CAMK2D: variants seen among roughly 807,000 people sequenced by gnomAD.
CAMK2D encodes calcium/calmodulin-dependent protein kinase type II subunit delta.
CAMK2D carries 37 observed loss-of-function variants against 84.0 expected under a neutral mutation model. The observed-to-expected ratio is 0.44, with a 90% CI of 0.34 to 0.58. The LOEUF is 0.58. Ranked by LOEUF, CAMK2D falls within the 20% of genes least tolerant of loss-of-function variation. CAMK2D has a pLI of 0.02. For synonymous variants in CAMK2D, 202 were observed against 212.5 expected, an observed-to-expected ratio of 0.95 and a Z score of 0.43; for missense variants, 448 against 652.5, an observed-to-expected ratio of 0.69 and a Z score of 3.41.
intron 16 of CAMK2D, among the ~76,000 whole-genome samples, chr4:113,474,177 G>C (rs1257858990): frequency 6.6e-6 from 1 of 152,180 alleles, no homozygotes; most frequent in East Asian, 1.9e-4. Flanking sequence ...CAAGTATTAA[G>C]ATGTTCCATG....
intron 16 of CAMK2D, among the ~76,000 whole-genome samples, chr4:113,491,258 A>T (rs1307572082): frequency 5.0e-5 from 6 of 121,154 alleles, no homozygotes; most frequent in Admixed American, 3.8e-4. Context: ...TTGCCCATTC[A>T]GTATGATATT....
At chr4:113,700,856 T>C (rs7670298) in intron 2 of CAMK2D, among the ~76,000 whole-genome samples, 27,525 of 152,164 alleles carry the variant, frequency 0.18, 4,681 homozygotes, top group African/African-American at 0.45. Context: ...TTGAAGGGTA[T>C]CCTTCCTACC....
chr4:113,630,224 G>T (rs2099084033), intron 3 of CAMK2D, among the ~76,000 whole-genome samples: 1 of 152,182 alleles, frequency 6.6e-6, no homozygotes, highest in Non-Finnish European at 1.5e-5. Flanking sequence ...TTTTAAAAAT[G>T]CCTTGAGAAA....
chr4:113,515,189 A>G lies in CAMK2D; in HGVS notation c.699T>C (p.Phe233=). ...TCACCGTGTCCCATTCTGGTGATGGAAACTTCAAAAATATAAATTTATAAA... is the reference window on the plus strand; with the variant it reads ...TCACCGTGTCCCATTCTGGTGATGGGAACTTCAAAAATATAAATTTATAAA... ...YQQIKAGAYD[F]PSPEWDTVTP... The change falls in exon 10 of 21, where the codon TTT becomes TTC. Residue 233 remains phenylalanine, a splice_region_variant and synonymous_variant. Coordinates refer to ENST00000511664, the MANE Select transcript of CAMK2D (RefSeq NM_001321571.2). The G allele has an allele frequency of 6.3e-7, 1 of 1,584,094 alleles. No homozygotes were observed. The highest frequency in any genetic ancestry group is 2.2e-5 in the East Asian group (1 of 44,504).
In CAMK2D at chr4:113,755,171, G is replaced by GAT. The variant is rs201559960; in HGVS notation, c.160+4147_160+4148dup. 3.1e-3 allele frequency: 562 copies of GAT among 179,988 alleles called. 17 individuals are homozygous for GAT. The highest frequency in any genetic ancestry group is 3.7e-3 in the Non-Finnish European group (469 of 126,330). 11.1% of individuals were successfully genotyped at this position (179,988 alleles called of 1,614,324 possible). ...ACAACATCAAAAAAGGTTACTTAGG[G>GAT]ATACACACACACACACACACACACA... On this transcript the variant is annotated intron_variant, in intron 2 of 20. Transcript: ENST00000511664.
chr4:113,754,445 G>T (rs1207718965), intron 2 of CAMK2D: 8 of 937,642 alleles, frequency 8.5e-6, no homozygotes, highest in African/African-American at 3.6e-5. Flanking sequence ...CCATTAAAAA[G>T]ATCCATAAAA....
intron 4 of CAMK2D, among the ~76,000 whole-genome samples, chr4:113,607,126 C>T (rs1442567938): frequency 6.6e-6 from 1 of 151,002 alleles, no homozygotes; most frequent in Non-Finnish European, 1.5e-5. Flanking sequence ...AAAAGAATGG[C>T]TAAAGAAAGC....
chr4:113,537,620 CAT>C (rs1422273464), intron 6 of CAMK2D, among the ~76,000 whole-genome samples, 177 bp from the exon 7 acceptor site: 1 of 152,116 alleles, frequency 6.6e-6, no homozygotes, highest in Non-Finnish European at 1.5e-5. Flanking sequence ...TAAATATTAT[CAT>C]GTGTGCAGGC....
chr4:113,540,518 T>C (rs2098523327), intron 6 of CAMK2D, among the ~76,000 whole-genome samples: 1 of 152,246 alleles, frequency 6.6e-6, no homozygotes, highest in Non-Finnish European at 1.5e-5. Flanking sequence ...CCTGGGTTCA[T>C]GTCCTGGCCC....
At chr4:113,605,767 G>A (rs2098974354) in intron 4 of CAMK2D, among the ~76,000 whole-genome samples, 1 of 152,146 alleles carries the variant, frequency 6.6e-6, no homozygotes, top group Non-Finnish European at 1.5e-5. Flanking sequence ...CATGTCGGTG[G>A]AGGCTGTGGG....
intron 8 of CAMK2D, among the ~76,000 whole-genome samples, chr4:113,523,096 C>A (rs2098382545): frequency 6.6e-6 from 1 of 152,170 alleles, no homozygotes; most frequent in South Asian, 2.1e-4. Context: ...GGGCCCTCAC[C>A]AAAACCTGAC....
intron 2 of CAMK2D, among the ~76,000 whole-genome samples, chr4:113,717,413 A>G (rs1428187637): frequency 2.0e-5 from 3 of 152,120 alleles, no homozygotes; most frequent in South Asian, 2.1e-4. Context: ...AACCTTTTGG[A>G]TAATCTCGTA....
chr4:113,566,303 T>A (rs1460436346), intron 4 of CAMK2D, among the ~76,000 whole-genome samples: 2 of 152,218 alleles, frequency 1.3e-5, no homozygotes, highest in African/African-American at 4.8e-5. Context: ...TAGAGTTCAG[T>A]CATTTTTAAA....
intron 2 of CAMK2D, chr4:113,755,225 T>C (rs1342024515): frequency 8.8e-6 from 2 of 227,092 alleles, no homozygotes; most frequent in Admixed American, 6.6e-5. Context: ...TTAGATTTTA[T>C]AGATGAGGCC....
chr4:113,571,644 C>T (rs376998901), intron 4 of CAMK2D, among the ~76,000 whole-genome samples: 4 of 152,198 alleles, frequency 2.6e-5, no homozygotes, highest in Admixed American at 6.5e-5. Flanking sequence ...GAGGCCGAGG[C>T]GGGTGGATCA....
At chr4:113,528,555 G>A (rs2098437220) in intron 8 of CAMK2D, among the ~76,000 whole-genome samples, 1 of 152,138 alleles carries the variant, frequency 6.6e-6, no homozygotes. Context: ...GGCAAAGAAA[G>A]AGTATGAAAT....
rs984235820 is a variant in CAMK2D, at chr4:113,563,906, A to G, written c.276-11810T>C. On this transcript the variant is annotated intron_variant, in intron 4 of 20. Transcript: ENST00000511664. ...AAATTTTAATGGTAGGAAGCTTCAG[A>G]AAAGGGGAAGAGGGAACTTAGTGAA... 1.3e-5 allele frequency among the ~76,000 whole-genome samples: 2 copies of G among 152,166 alleles called. 1 individual carries two copies. Among genetic ancestry groups the G allele is most frequent in the Admixed American group, 1.3e-4 (2 of 15,276 alleles).
chr4:113,632,288 A>C (rs1239461733), intron 3 of CAMK2D, among the ~76,000 whole-genome samples: 1 of 151,038 alleles, frequency 6.6e-6, no homozygotes, highest in East Asian at 2.0e-4. Flanking sequence ...CAATGGCACA[A>C]TCTTGGCTCA....
At chr4:113,586,812 A>G (rs1163663420) in intron 4 of CAMK2D, among the ~76,000 whole-genome samples, 1 of 152,192 alleles carries the variant, frequency 6.6e-6, no homozygotes, top group East Asian at 1.9e-4. Flanking sequence ...TGGTTATAGT[A>G]ATAAAGAGAC....
Sources: gnomAD v4.1 joint callset for allele counts (sites outside exome capture counted in the v4.1 genomes callset) on GRCh38, gnomAD v4.1.1 for gene constraint, MANE v1.5 for transcripts, NCBI Gene and HGNC (gene_info 2026-07-23, HGNC 2026-07-21) for gene names.